The following MGLL variants were observed in gnomAD, a reference collection of about 807,000 sequenced individuals.
The protein encoded by MGLL is monoglyceride lipase.
A neutral mutation model predicts 29.1 loss-of-function variants in MGLL; 7 were observed. That is an observed-to-expected ratio of 0.24 (90% CI 0.14 to 0.45). The LOEUF (loss-of-function observed/expected upper bound fraction) is 0.45. Among genes scored for constraint, MGLL ranks in the 20% least tolerant of loss-of-function variants. The probability of loss-of-function intolerance (pLI) is 0.99; values close to 1 mark genes in which losing one functional copy is unlikely to be tolerated. For synonymous variants in MGLL, 148 were observed against 168.3 expected (o/e 0.88, Z 0.93); for missense variants, 356 against 413.6 (o/e 0.86, Z 1.21).
intron 3 of MGLL, among the ~76,000 whole-genome samples, chr3:127,735,337 G>A (rs1442851092): frequency 6.6e-6 from 1 of 152,178 alleles, no homozygotes; most frequent in African/African-American, 2.4e-5. Context: ...CACAGGAATC[G>A]GACTGTTCAT....
At chr3:127,797,943 A>G (rs1248989760) in intron 2 of MGLL, among the ~76,000 whole-genome samples, 1 of 152,164 alleles carries the variant, frequency 6.6e-6, no homozygotes, top group Non-Finnish European at 1.5e-5. Context: ...TATATAGCAT[A>G]TATTTCTCCA....
intron 5 of MGLL, among the ~76,000 whole-genome samples, chr3:127,717,272 T>C (rs556168642): frequency 9.2e-5 from 14 of 152,316 alleles, no homozygotes; most frequent in African/African-American, 3.4e-4. Flanking sequence ...CTGGATTCTA[T>C]GGCTAAAAAC....
chr3:127,735,688 G>T, intron 3 of MGLL: 2 of 1,589,016 alleles, frequency 1.3e-6, no homozygotes, highest in Non-Finnish European at 1.7e-6. Context: ...GGGAATAAAT[G>T]AAACAGCTGA....
chr3:127,789,311 C>A (rs977972171), intron 2 of MGLL, among the ~76,000 whole-genome samples: 1 of 152,102 alleles, frequency 6.6e-6, no homozygotes, highest in African/African-American at 2.4e-5. Flanking sequence ...TGAAAAGGCC[C>A]GGGACCCATC....
chr3:127,718,227 C>A (rs961519342), intron 5 of MGLL, among the ~76,000 whole-genome samples: 1 of 152,130 alleles, frequency 6.6e-6, no homozygotes, highest in Non-Finnish European at 1.5e-5. Flanking sequence ...CTGCCCCTTA[C>A]TAACTGGGGG....
At chr3:127,774,703 G>A (rs147739464) in intron 3 of MGLL, among the ~76,000 whole-genome samples, 7 of 152,054 alleles carry the variant, frequency 4.6e-5, no homozygotes, top group Non-Finnish European at 2.9e-5. Context: ...CTCTCTCAGG[G>A]GTCCTCAGCA....
At chr3:127,766,913 A>G (rs1044295086) in intron 3 of MGLL, among the ~76,000 whole-genome samples, 1 of 152,146 alleles carries the variant, frequency 6.6e-6, no homozygotes, top group African/African-American at 2.4e-5. Flanking sequence ...TCTACAAAAA[A>G]TACAAAAATT....
At position 127,761,865 on chromosome 3, in the gene MGLL, C is replaced by CG. The variant is rs1167998877; in HGVS notation, c.262+19923dup. The stretch of plus-strand genomic sequence containing the variant: ...TGCGTAGTGCACCCAGCGCACTTGC[C>CG]GGGGAGTTGTGACTGCATCTGAGGA... On this transcript the variant is annotated intron_variant, in intron 3 of 7. Coordinates refer to ENST00000265052, the MANE Select transcript of MGLL (RefSeq NM_007283.7). This position sits in a 1 kb window ranked among gnomAD's most constrained non-coding sequence, Gnocchi z 4.6. Among the ~76,000 whole-genome samples the CG allele has an allele frequency of 2.0e-5, 3 of 152,142 alleles. No individual in the cohort carries two copies. The highest frequency in any genetic ancestry group is 2.0e-4 in the Admixed American group (3 of 15,284).
In MGLL at chr3:127,794,170, C is replaced by T. The variant is rs781156599; in HGVS notation, c.156-12275G>A. Among the ~76,000 whole-genome samples the T allele has an allele frequency of 7.3e-4, 111 of 152,084 alleles. 1 individual carries two copies. Among genetic ancestry groups the T allele is most frequent in the Admixed American group, 2.8e-3 (43 of 15,262 alleles). On this transcript the variant is annotated intron_variant, in intron 2 of 7. Transcript: ENST00000265052. Reference sequence around the variant, plus strand: ...ACCAAAAATACAAAAATTAGCTGGGCGTGGTGGCTTGTGTCTATACTCCCA... The same window carrying T: ...ACCAAAAATACAAAAATTAGCTGGGTGTGGTGGCTTGTGTCTATACTCCCA...
At chr3:127,770,484 G>A (rs890352432) in intron 3 of MGLL, among the ~76,000 whole-genome samples, 12 of 152,124 alleles carry the variant, frequency 7.9e-5, no homozygotes, top group African/African-American at 2.9e-4. Context: ...GAGGATATAG[G>A]CTCCCCAGGG....
intron 3 of MGLL, among the ~76,000 whole-genome samples, chr3:127,754,879 A>T (rs144217309): frequency 6.6e-6 from 1 of 152,298 alleles, no homozygotes; most frequent in East Asian, 1.9e-4. Flanking sequence ...GTGTGCACTC[A>T]TGCCCACGTG....
At chr3:127,758,759 G>A (rs1361419987) in intron 3 of MGLL, among the ~76,000 whole-genome samples, 2 of 152,062 alleles carry the variant, frequency 1.3e-5, no homozygotes, top group Non-Finnish European at 2.9e-5. Context: ...ATAATGGGTC[G>A]ATTTTTCATA....
chr3:127,730,174 C>G (rs2076123226), intron 3 of MGLL, among the ~76,000 whole-genome samples: 1 of 152,160 alleles, frequency 6.6e-6, no homozygotes, highest in Non-Finnish European at 1.5e-5. Flanking sequence ...ATGTTATATC[C>G]CGGTAGGGGT....
In MGLL at chr3:127,710,590, G is replaced by T; in HGVS notation, c.586C>A (p.Arg196=). The change falls in exon 6 of 8, where the codon CGG becomes AGG. Residue 196 remains arginine (R), a synonymous_variant. Coordinates refer to ENST00000265052, the MANE Select transcript of MGLL (RefSeq NM_007283.7). ...AAGCCTCTCACCTCTGTCTTATTCC[G>T]AGAGAGCACGCTGGAGTCGATGGGC... The part of the protein sequence containing the change: ...LGPIDSSVLS[R]NKTEVDIYNS... The T allele has an allele frequency of 6.4e-7, 1 of 1,563,430 alleles. No individual in the cohort carries two copies. Among genetic ancestry groups the T allele is most frequent in the South Asian group, 1.2e-5 (1 of 84,870 alleles).
chr3:127,693,442 T>A (rs867595472), intron 7 of MGLL, among the ~76,000 whole-genome samples: 1 of 152,224 alleles, frequency 6.6e-6, no homozygotes, highest in South Asian at 2.1e-4. Context: ...TCACAGGTGG[T>A]GGGGCTCCCC....
intron 2 of MGLL, among the ~76,000 whole-genome samples, chr3:127,819,042 C>T (rs1294985643): frequency 3.3e-5 from 5 of 152,192 alleles, no homozygotes; most frequent in South Asian, 2.1e-4. Context: ...TGGCCTGCTA[C>T]GTTAAAAACA....
In MGLL at chr3:127,785,605, T is replaced by C. The variant is rs560790038; in HGVS notation, c.156-3710A>G. 2.0e-5 allele frequency among the ~76,000 whole-genome samples: 3 copies of C among 152,392 alleles called. No homozygotes were observed. In the South Asian group the frequency reaches 6.2e-4, roughly 32 times the overall value. ...CAGAACAACCTGGTTGGATTCCCAG[T>C]GTGACCACGCAGGACCCTGCGCAAG... On this transcript the variant is annotated intron_variant, in intron 2 of 7. Transcript: ENST00000265052.
rs11433015 is a variant in MGLL, at chr3:127,692,094, A to AT, written c.*103dup. 108,346 of 703,424 alleles carry AT rather than the reference A, an allele frequency of 0.15. 14,597 individuals are homozygous for AT. The highest frequency in any genetic ancestry group is 0.29 in the African/African-American group (12,112 of 41,464). 43.6% of individuals were successfully genotyped at this position (703,424 alleles called of 1,614,324 possible). Reference sequence around the variant, plus strand: ...GTGCTAAGGATTTCTCCAATTTCTGATTTTTTTTTTTTTTTTTTTTTGGCA... The same window carrying AT: ...GTGCTAAGGATTTCTCCAATTTCTGATTTTTTTTTTTTTTTTTTTTTTGGCA... On this transcript the variant is annotated 3_prime_UTR_variant, in exon 8 of 8. Coordinates refer to ENST00000265052, the MANE Select transcript of MGLL (RefSeq NM_007283.7).
chr3:127,811,964 T>G (rs929652602), intron 2 of MGLL, among the ~76,000 whole-genome samples: 5 of 152,254 alleles, frequency 3.3e-5, no homozygotes, highest in African/African-American at 1.2e-4. Flanking sequence ...AATCATGGGC[T>G]GAGTAACAGC....
Sources: allele counts gnomAD v4.1 joint callset (sites outside exome capture counted in the v4.1 genomes callset), GRCh38; gene constraint gnomAD v4.1.1; non-coding constraint Gnocchi (gnomAD v3.1); transcripts MANE v1.5; gene names NCBI Gene and HGNC (gene_info 2026-07-23, HGNC 2026-07-21).